The following DMRTA1 variants were observed in gnomAD, a reference collection of about 807,000 sequenced individuals.
The protein encoded by DMRTA1 is doublesex- and mab-3-related transcription factor A1.
A neutral mutation model predicts 35.2 loss-of-function variants in DMRTA1; 34 were observed. The observed-to-expected ratio is 0.97, with a 90% CI of 0.74 to 1.29. The LOEUF is 1.29. DMRTA1 is among the 50% of genes most tolerant of loss of function. The pLI is 0.00. For missense variants in DMRTA1, 824 were observed against 644.6 expected, an observed-to-expected ratio of 1.28 and a Z score of -3.01; for synonymous variants, 344 against 276.6, an observed-to-expected ratio of 1.24 and a Z score of -2.42.
Position 22,451,776 on chromosome 9 carries a change from A to G in DMRTA1, c.1380A>G (p.Leu460=). 6.2e-7 allele frequency: 1 copy of G among 1,614,130 alleles called. No individual in the cohort carries two copies. Among genetic ancestry groups the G allele is most frequent in the Non-Finnish European group, 8.5e-7 (1 of 1,179,938 alleles). The change falls in exon 2 of 2, where the codon TTA becomes TTG. Residue 460 remains leucine, a synonymous_variant. Coordinates refer to ENST00000325870, the MANE Select transcript of DMRTA1 (RefSeq NM_022160.3). ...GFMSPYLTPG[L]VPTLPFRPAL... is the part of the protein sequence containing the mutation. Reference sequence around the variant, plus strand: ...TGTCACCCTACCTAACACCTGGGTTAGTACCAACCTTACCTTTTCGGCCAG... The same window carrying G: ...TGTCACCCTACCTAACACCTGGGTTGGTACCAACCTTACCTTTTCGGCCAG...
At position 22,452,638 on chromosome 9, in the gene DMRTA1, G is replaced by A. The variant is rs113663815; in HGVS notation, c.*727G>A. ...GGCCACTATCGCCAATTGCAACTGA[G>A]CTCTGTAGAGTATATGAATTAGAAA... On this transcript the variant is annotated 3_prime_UTR_variant, in exon 2 of 2. Coordinates refer to ENST00000325870, the MANE Select transcript of DMRTA1 (RefSeq NM_022160.3). 1 of 152,084 alleles carries A rather than the reference G, an allele frequency of 6.6e-6. No individual in the cohort carries two copies. The allele number at this position is 152,084 out of a possible 1,614,324, so 9.4% of individuals were successfully genotyped here.
At chr9:22,447,826 T>C (rs1587668498) in intron 1 of DMRTA1, 94 bp downstream of exon 1, 2 of 1,468,586 alleles carry the variant, frequency 1.4e-6, no homozygotes, top group East Asian at 4.7e-5. Context: ...CGGGCAGGAA[T>C]AGTTGTTTAA....
rs1187462078 is a variant in DMRTA1 at position 22,454,345 on chromosome 9, G to C, written c.*2434G>C. The C allele has an allele frequency of 6.6e-6, 1 of 151,800 alleles. No homozygotes were observed. Among genetic ancestry groups the C allele is most frequent in the Non-Finnish European group, 1.5e-5 (1 of 67,922 alleles). The allele number at this position is 151,800 out of a possible 1,614,324, so 9.4% of individuals were successfully genotyped here. On this transcript the variant is annotated 3_prime_UTR_variant, in exon 2 of 2. Transcript: ENST00000325870. Reference sequence around the variant, plus strand: ...ATATAGGTTCTCAACCTATACACTAGATTTCCACTGACTGAAAAAAAATAA... The same window carrying C: ...ATATAGGTTCTCAACCTATACACTACATTTCCACTGACTGAAAAAAAATAA...
chr9:22,447,352 A>T lies in DMRTA1; in HGVS notation c.287A>T (p.Lys96Met). Residue 96 changes from lysine to methionine, a missense_variant, in exon 1 of 2, where the codon AAG becomes ATG. Lys to Met is a moderately conservative substitution (Grantham distance 95, BLOSUM62 -1). Transcript: ENST00000325870. ...GGCTGCGGCTACCCGCGGACGCCCA[A>T]GTGCGCCCGCTGTCGTAACCATGGT... is the stretch of plus-strand genomic sequence containing the variant. ...AVGCGYPRTP[K>M]CARCRNHGVV... 6.5e-7 allele frequency: 1 copy of T among 1,535,420 alleles called. No individual in the cohort carries two copies. Among genetic ancestry groups the T allele is most frequent in the Non-Finnish European group, 8.7e-7 (1 of 1,145,470 alleles).
At position 22,455,244 on chromosome 9, in the gene DMRTA1, A is replaced by G. The variant is rs1818987636; in HGVS notation, c.*3333A>G. On this transcript the variant is annotated 3_prime_UTR_variant, in exon 2 of 2. Transcript: ENST00000325870. ...AGACAAATATTAGTACAATTCCTAT[A>G]AGGTAAATACCAATATGTCTTTCTA... 1.3e-5 allele frequency: 2 copies of G among 152,194 alleles called. No homozygotes were observed. The highest frequency in any genetic ancestry group is 2.4e-5 in the African/African-American group (1 of 41,450). 9.4% of individuals were successfully genotyped at this position (152,194 alleles called of 1,614,324 possible).
intron 1 of DMRTA1, 54 bp from the exon 2 acceptor site, chr9:22,451,010 C>T (rs748101368): frequency 5.8e-6 from 9 of 1,550,770 alleles, no homozygotes; most frequent in South Asian, 1.2e-5. Flanking sequence ...TGAGCAGTAC[C>T]ACATTCTGGG....
At chr9:22,447,938 C>T (rs1169441684) in intron 1 of DMRTA1, among the ~76,000 whole-genome samples, 2 of 152,088 alleles carry the variant, frequency 1.3e-5, no homozygotes, top group African/African-American at 4.8e-5. Flanking sequence ...ACTGTTGTTC[C>T]CTCAGGTGAT....
At position 22,454,776 on chromosome 9, in the gene DMRTA1, A is replaced by G. The variant is rs1217652942; in HGVS notation, c.*2865A>G. On this transcript the variant is annotated 3_prime_UTR_variant, in exon 2 of 2. Coordinates refer to ENST00000325870, the MANE Select transcript of DMRTA1 (RefSeq NM_022160.3). ...TTTCATAGAGTATTCAGAAGAACATAAGGAATGACTTTTTTCACAGTTAAC... is the reference window on the plus strand; with the variant it reads ...TTTCATAGAGTATTCAGAAGAACATGAGGAATGACTTTTTTCACAGTTAAC... 3 of 152,188 alleles carry G rather than the reference A, an allele frequency of 2.0e-5. No individual in the cohort carries two copies. Among genetic ancestry groups the G allele is most frequent in the Admixed American group, 6.5e-5 (1 of 15,274 alleles). 9.4% of individuals were successfully genotyped at this position (152,188 alleles called of 1,614,324 possible).
At chr9:22,449,042 A>C (rs1047643288) in intron 1 of DMRTA1, among the ~76,000 whole-genome samples, 1 of 152,212 alleles carries the variant, frequency 6.6e-6, no homozygotes, top group Non-Finnish European at 1.5e-5. Context: ...TGTGATTTCT[A>C]GTTGGTACCA....
Position 22,451,514 on chromosome 9 carries a change from A to C in DMRTA1, c.1118A>C (p.Asn373Thr). The change falls in exon 2 of 2, where the codon AAC (asparagine) becomes ACC (threonine). Residue 373 changes from asparagine (N) to threonine (T), a missense_variant. By Grantham distance (65) the Asn-to-Thr change is moderately conservative. Coordinates refer to ENST00000325870, the MANE Select transcript of DMRTA1 (RefSeq NM_022160.3). The part of the protein sequence containing the change: ...VLNGKEHKPD[N>T]RNLANSEELE... Reference sequence around the variant, plus strand: ...AATGGCAAAGAACACAAGCCAGACAACAGGAACCTAGCAAACTCAGAAGAA... The same window carrying C: ...AATGGCAAAGAACACAAGCCAGACACCAGGAACCTAGCAAACTCAGAAGAA... 6.2e-7 allele frequency: 1 copy of C among 1,614,178 alleles called. No individual in the cohort carries two copies. Among genetic ancestry groups the C allele is most frequent in the Non-Finnish European group, 8.5e-7 (1 of 1,179,992 alleles).
At chr9:22,447,859 G>T in intron 1 of DMRTA1, 127 bp downstream of exon 1, 1 of 1,113,338 alleles carries the variant, frequency 9.0e-7, no homozygotes, top group Non-Finnish European at 1.3e-6. Flanking sequence ...AAGTTTTGGG[G>T]AACTGCTCAG....
Position 22,452,191 on chromosome 9 carries a change from C to G in DMRTA1, c.*280C>G. 1 of 244,826 alleles carries G rather than the reference C, an allele frequency of 4.1e-6. No homozygotes were observed. The highest frequency in any genetic ancestry group is 7.9e-6 in the Non-Finnish European group (1 of 127,190). 15.2% of individuals were successfully genotyped at this position (244,826 alleles called of 1,614,324 possible). A position where few individuals can be genotyped will look rare whatever the true frequency, so the allele number is the denominator to read the frequency against. ...TTAATGAATTTTCTCCCTAAATTAT[C>G]ATTTGTAAACATTTTTATTTTAAAA... On this transcript the variant is annotated 3_prime_UTR_variant, in exon 2 of 2. Transcript: ENST00000325870.
Position 22,446,950 on chromosome 9 carries a change from G to T in DMRTA1, c.-116G>T. ...AGTGTAAAACTTTTGTCCGTGCGCG[G>T]GTGGAGCTCAGTAGGACCACGGCGC... On this transcript the variant is annotated 5_prime_UTR_variant, in exon 1 of 2. Transcript: ENST00000325870. 1 of 1,327,396 alleles carries T rather than the reference G, an allele frequency of 7.5e-7. No homozygotes were observed. The highest frequency in any genetic ancestry group is 1.0e-6 in the Non-Finnish European group (1 of 976,366). 82.2% of individuals were successfully genotyped at this position (1,327,396 alleles called of 1,614,324 possible).
At chr9:22,448,114 T>C (rs1395592202) in intron 1 of DMRTA1, among the ~76,000 whole-genome samples, 1 of 152,212 alleles carries the variant, frequency 6.6e-6, no homozygotes, top group African/African-American at 2.4e-5. Context: ...TTGAGTCTGC[T>C]CTGTACTCTT....
At position 22,447,407 on chromosome 9, in the gene DMRTA1, C is replaced by T. The variant is rs754640625; in HGVS notation, c.342C>T (p.Arg114=). Residue 114 remains arginine, a synonymous_variant, in exon 1 of 2, where the codon CGC becomes CGT. Transcript: ENST00000325870. ...GVVSALKGHK[R]FCRWRDCACA... is the part of the protein sequence containing the mutation. ...TGTCAGCGCTCAAGGGCCACAAGCG[C>T]TTCTGCCGCTGGCGGGACTGCGCGT... 49 of 1,554,284 alleles carry T rather than the reference C, an allele frequency of 3.2e-5. No homozygotes were observed. The South Asian group carries it at 5.5e-4, about 18-fold the overall frequency.
intron 1 of DMRTA1, among the ~76,000 whole-genome samples, chr9:22,450,786 ACT>A (rs1587669427): frequency 6.6e-6 from 1 of 152,020 alleles, no homozygotes; most frequent in African/African-American, 2.4e-5. Context: ...GTAACAATAC[ACT>A]CTCATCTTCT....
rs147859516 is a variant in DMRTA1, at chr9:22,447,686, C to G, written c.621C>G (p.Thr207=). ...GALRQASGSA[T]PAFEVFQQDY... is the part of the protein sequence containing the mutation. The stretch of plus-strand genomic sequence containing the variant: ...TGAGACAGGCCAGTGGTTCCGCGAC[C>G]CCCGCTTTCGAAGTTTTCCAGCAAG... The change falls in exon 1 of 2, where the codon ACC becomes ACG. Residue 207 remains threonine, a synonymous_variant. Coordinates refer to ENST00000325870, the MANE Select transcript of DMRTA1 (RefSeq NM_022160.3). 2,450 of 1,613,152 alleles carry G rather than the reference C, an allele frequency of 1.5e-3. 1 individual carries two copies. The highest frequency in any genetic ancestry group is 1.9e-3 in the Non-Finnish European group (2,244 of 1,179,988).
chr9:22,451,384 C>G lies in DMRTA1; in HGVS notation c.988C>G (p.Leu330Val), dbSNP rs371496399. 6.2e-7 allele frequency: 1 copy of G among 1,614,126 alleles called. No individual in the cohort carries two copies. The highest frequency in any genetic ancestry group is 8.5e-7 in the Non-Finnish European group (1 of 1,179,980). ...PTVSSRPRDP[L>V]DILTKIFPNY... The stretch of plus-strand genomic sequence containing the variant: ...AGTGTCCTCAAGACCAAGAGATCCT[C>G]TTGATATCCTTACTAAGATTTTCCC... The change falls in exon 2 of 2, where the codon CTT (leucine) becomes GTT (valine). Residue 330 changes from leucine to valine, a missense_variant. Transcript: ENST00000325870.
rs200749823 is a variant in DMRTA1, at chr9:22,451,385, T to C, written c.989T>C (p.Leu330Pro). The C allele has an allele frequency of 6.2e-7, 1 of 1,614,140 alleles. No individual in the cohort carries two copies. Among genetic ancestry groups the C allele is most frequent in the Non-Finnish European group, 8.5e-7 (1 of 1,179,970 alleles). ...GTGTCCTCAAGACCAAGAGATCCTCTTGATATCCTTACTAAGATTTTCCCA... is the reference window on the plus strand; with the variant it reads ...GTGTCCTCAAGACCAAGAGATCCTCCTGATATCCTTACTAAGATTTTCCCA... The part of the protein sequence containing the change: ...PTVSSRPRDP[L>P]DILTKIFPNY... Residue 330 changes from leucine (L) to proline (P), a missense_variant, in exon 2 of 2, where the codon CTT becomes CCT. Leu to Pro is a moderately conservative substitution (Grantham distance 98). Transcript: ENST00000325870.
Sources: gnomAD v4.1 joint callset for allele counts (sites outside exome capture counted in the v4.1 genomes callset) on GRCh38, gnomAD v4.1.1 for gene constraint, MANE v1.5 for transcripts, NCBI Gene and HGNC (gene_info 2026-07-23, HGNC 2026-07-21) for gene names.